RBFOX1: variants seen among roughly 807,000 people sequenced by gnomAD.
The protein encoded by RBFOX1 is RNA binding protein fox-1 homolog 1.
A neutral mutation model predicts 57.7 loss-of-function variants in RBFOX1; 8 were observed. The ratio of observed to expected loss-of-function variants is 0.14; its 90% confidence interval spans 0.08 to 0.25. The LOEUF (loss-of-function observed/expected upper bound fraction) is 0.25, where lower values mean the gene tolerates loss of function less well. Among genes scored for constraint, RBFOX1 ranks in the 10% least tolerant of loss-of-function variants. The probability of loss-of-function intolerance (pLI) is 1.00; values close to 1 mark genes in which losing one functional copy is unlikely to be tolerated. For synonymous variants in RBFOX1, 326 were observed against 222.4 expected (o/e 1.47, Z -4.15); for missense variants, 611 against 548.5 (o/e 1.11, Z -1.14).
At chr16:5,354,896 T>C (rs756509638) in intron 1 of RBFOX1, among the ~76,000 whole-genome samples, 3 of 152,140 alleles carry the variant, frequency 2.0e-5, no homozygotes, top group African/African-American at 7.2e-5. Context: ...AGTGGCCTTC[T>C]TGGAGAGGTC....
At chr16:7,312,564 G>T (rs2096340641) in intron 4 of RBFOX1, among the ~76,000 whole-genome samples, 1 of 152,140 alleles carries the variant, frequency 6.6e-6, no homozygotes, top group Admixed American at 6.5e-5. Context: ...GGTCTTCTTG[G>T]TTCCACTACC....
intron 3 of RBFOX1, among the ~76,000 whole-genome samples, chr16:5,706,302 T>C (rs1211542959): frequency 4.6e-5 from 7 of 152,236 alleles, no homozygotes; most frequent in Non-Finnish European, 8.8e-5. Flanking sequence ...TTTAAACATG[T>C]TTCCTGATGT....
intron 3 of RBFOX1, among the ~76,000 whole-genome samples, chr16:5,727,984 G>A (rs982229494): frequency 2.8e-4 from 43 of 152,148 alleles, no homozygotes; most frequent in African/African-American, 1.0e-3. Context: ...ACCATGCCCG[G>A]CCTCCTCTCT....
intron 1 of RBFOX1, among the ~76,000 whole-genome samples, chr16:6,144,476 A>G (rs1278931076): frequency 5.3e-5 from 8 of 152,230 alleles, no homozygotes; most frequent in Non-Finnish European, 8.8e-5. Context: ...CTTTGGAGCT[A>G]TAAGTGGCTT....
At chr16:7,342,867 G>C (rs1028445611) in intron 4 of RBFOX1, among the ~76,000 whole-genome samples, 4 of 152,274 alleles carry the variant, frequency 2.6e-5, no homozygotes, top group South Asian at 2.1e-4. Flanking sequence ...TGTCCTCAGA[G>C]GTTGCATCAG....
At chr16:6,950,446 C>A (rs1019008638) in intron 3 of RBFOX1, among the ~76,000 whole-genome samples, 1 of 152,120 alleles carries the variant, frequency 6.6e-6, no homozygotes, top group Non-Finnish European at 1.5e-5. Flanking sequence ...AGTTTGGTAT[C>A]CTAGTGCCTG....
chr16:6,839,622 T>C (rs1430939909), intron 3 of RBFOX1, among the ~76,000 whole-genome samples: 4 of 152,194 alleles, frequency 2.6e-5, no homozygotes, highest in Non-Finnish European at 5.9e-5. Flanking sequence ...TTGGTAGGTA[T>C]TTCAATTAGC....
chr16:7,249,417 A>G (rs376445006), intron 4 of RBFOX1, among the ~76,000 whole-genome samples: 1 of 152,194 alleles, frequency 6.6e-6, no homozygotes, highest in Admixed American at 6.5e-5. Flanking sequence ...TCCAAGGGCC[A>G]TAGAAATTGG....
chr16:6,953,493 C>G (rs372425035), intron 3 of RBFOX1, among the ~76,000 whole-genome samples: 18 of 152,168 alleles, frequency 1.2e-4, no homozygotes, highest in East Asian at 5.8e-4. Flanking sequence ...TCAAGCGATT[C>G]TTCTGCTTCA....
rs143846402 is a variant in RBFOX1, at chr16:6,497,617, C to T, written c.-63-156986C>T. ...TGTCACCCAGGCTGGACTGCAGTGG[C>T]GCGATCTTGGCTTACTGCAACCTCT... On this transcript the variant is annotated intron_variant, in intron 2 of 15. Coordinates refer to ENST00000550418, the MANE Select transcript of RBFOX1 (RefSeq NM_018723.4). Among the ~76,000 whole-genome samples, 436 of 151,854 alleles carry T rather than the reference C, an allele frequency of 2.9e-3. 3 individuals carry two copies. The highest frequency in any genetic ancestry group is 9.2e-3 in the African/African-American group (380 of 41,422).
intron 4 of RBFOX1, among the ~76,000 whole-genome samples, chr16:5,948,301 G>T (rs955149516): frequency 1.3e-5 from 2 of 152,076 alleles, no homozygotes; most frequent in African/African-American, 4.8e-5. Context: ...GAGAGGAGAG[G>T]ACCAAAACAT....
chr16:6,714,598 G>A (rs1359450385), intron 3 of RBFOX1, among the ~76,000 whole-genome samples: 1 of 152,110 alleles, frequency 6.6e-6, no homozygotes, highest in Non-Finnish European at 1.5e-5. Context: ...TAGGAAATGT[G>A]ATTTCAGCAT....
intron 3 of RBFOX1, among the ~76,000 whole-genome samples, chr16:6,718,517 C>T (rs1473508759): frequency 6.6e-6 from 1 of 152,158 alleles, no homozygotes; most frequent in Non-Finnish European, 1.5e-5. Context: ...CAAAGTGAAA[C>T]CACCTTTAAG....
At chr16:7,710,108 T>G in intron 15 of RBFOX1, 10 of 1,005,292 alleles carry the variant, frequency 9.9e-6, no homozygotes, top group Non-Finnish European at 1.2e-5. Context: ...CTTAATTACA[T>G]CAAGCAATTC....
At chr16:5,512,243 T>C (rs1402614534) in intron 2 of RBFOX1, among the ~76,000 whole-genome samples, 4 of 152,190 alleles carry the variant, frequency 2.6e-5, no homozygotes, top group Non-Finnish European at 5.9e-5. Context: ...CTGCTGAATA[T>C]GCATTTAGGA....
chr16:6,255,942 C>G (rs137918442), intron 1 of RBFOX1, among the ~76,000 whole-genome samples: 1 of 151,022 alleles, frequency 6.6e-6, no homozygotes, highest in African/African-American at 2.4e-5. Context: ...CTAATGCATG[C>G]GGGGCTTAAA....
intron 3 of RBFOX1, among the ~76,000 whole-genome samples, chr16:6,929,707 A>G (rs2076196112): frequency 6.6e-6 from 1 of 151,894 alleles, no homozygotes; most frequent in Admixed American, 6.6e-5. Context: ...CTACGGGGTT[A>G]TTTTTTTTAA....
chr16:7,610,936 G>T (rs2057356625), intron 10 of RBFOX1, among the ~76,000 whole-genome samples: 1 of 151,708 alleles, frequency 6.6e-6, no homozygotes, highest in Non-Finnish European at 1.5e-5. Flanking sequence ...AATTTATCTT[G>T]CAATTCTGAG....
intron 4 of RBFOX1, among the ~76,000 whole-genome samples, chr16:7,161,012 G>A (rs1567515676): frequency 6.6e-6 from 1 of 152,160 alleles, no homozygotes; most frequent in Non-Finnish European, 1.5e-5. Flanking sequence ...CTCTTTAGAT[G>A]TGTTGGTCCA....
Sources: gnomAD v4.1 joint callset for allele counts (sites outside exome capture counted in the v4.1 genomes callset) on GRCh38, gnomAD v4.1.1 for gene constraint, MANE v1.5 for transcripts, NCBI Gene and HGNC (gene_info 2026-07-23, HGNC 2026-07-21) for gene names.